FAR2: variants seen among roughly 807,000 people sequenced by gnomAD.
The protein encoded by FAR2 is epididymis secretory protein Li 81.
In FAR2, 19 loss-of-function variants were observed where a neutral mutation model predicts 56.0. The ratio of observed to expected loss-of-function variants is 0.34; its 90% confidence interval spans 0.24 to 0.50. The LOEUF is 0.50. Ranked by LOEUF, FAR2 falls within the 20% of genes least tolerant of loss-of-function variation. The probability of loss-of-function intolerance (pLI) is 0.98; values close to 1 mark genes in which losing one functional copy is unlikely to be tolerated. For synonymous variants in FAR2, 219 were observed against 218.8 expected (o/e 1.00, Z -0.01); for missense variants, 508 against 642.2 (o/e 0.79, Z 2.26).
intron 10 of FAR2, among the ~76,000 whole-genome samples, chr12:29,326,306 C>T (rs1949645437): frequency 6.6e-6 from 1 of 152,176 alleles, no homozygotes; most frequent in Non-Finnish European, 1.5e-5. Context: ...GATTCACAGC[C>T]GAATTCTACC....
chr12:29,256,872 C>T (rs1349451600), intron 1 of FAR2, among the ~76,000 whole-genome samples: 2 of 152,250 alleles, frequency 1.3e-5, no homozygotes, highest in South Asian at 2.1e-4. Flanking sequence ...CCTTAGCTGC[C>T]TTCCTGTGGG....
chr12:29,292,083 G>A (rs1948977874), intron 2 of FAR2: 1 of 152,168 alleles, frequency 6.6e-6, no homozygotes, highest in African/African-American at 2.4e-5. Context: ...GAAAAGTAAT[G>A]CAAATATGGG....
intron 1 of FAR2, among the ~76,000 whole-genome samples, chr12:29,248,709 C>T (rs751186311): frequency 1.8e-4 from 27 of 152,282 alleles, no homozygotes; most frequent in Admixed American, 5.2e-4. Flanking sequence ...CCTGGGAGCA[C>T]TATGGGAGAC....
intron 2 of FAR2, among the ~76,000 whole-genome samples, chr12:29,290,390 G>A (rs1006879639): frequency 1.3e-5 from 2 of 151,892 alleles, no homozygotes; most frequent in Non-Finnish European, 1.5e-5. Context: ...AGGTTGTAGT[G>A]AGCCAAGATT....
intron 2 of FAR2, among the ~76,000 whole-genome samples, chr12:29,272,271 T>C (rs935656579): frequency 1.3e-5 from 2 of 152,234 alleles, no homozygotes; most frequent in African/African-American, 4.8e-5. Flanking sequence ...GGTACTGCAA[T>C]CAATTGTAGG....
chr12:29,149,436 C>G (rs1450186203), intron 1 of FAR2, 29 bp downstream of exon 1: 1 of 152,346 alleles, frequency 6.6e-6, no homozygotes, highest in Non-Finnish European at 1.5e-5. Flanking sequence ...CCCTGGCGCT[C>G]GCAGAGCCCA....
chr12:29,310,987 T>C lies in FAR2; in HGVS notation c.769-41T>C, dbSNP rs773351445. On this transcript the variant is annotated intron_variant, in intron 6 of 11. Transcript: ENST00000536681. The stretch of plus-strand genomic sequence containing the variant: ...ACATACTTTAGCCCCAGCTATTATT[T>C]AAGACCTGGTTTAATATTTTATGTT... 1.2e-5 allele frequency: 18 copies of C among 1,473,760 alleles called. No homozygotes were observed. The African/African-American group carries it at 2.5e-4, about 20-fold the overall frequency. 91.3% of individuals were successfully genotyped at this position (1,473,760 alleles called of 1,614,324 possible).
At chr12:29,321,609 C>A (rs948321440) in intron 9 of FAR2, among the ~76,000 whole-genome samples, 186 bp from the exon 10 acceptor site, 2 of 151,944 alleles carry the variant, frequency 1.3e-5, no homozygotes, top group African/African-American at 4.8e-5. Context: ...TAGATCCAGC[C>A]CTTTTCTTTT....
chr12:29,209,148 A>C (rs1484860893), intron 1 of FAR2, among the ~76,000 whole-genome samples: 3 of 152,158 alleles, frequency 2.0e-5, no homozygotes, highest in African/African-American at 7.2e-5. Flanking sequence ...TCACTGGAAG[A>C]GTCCAAGGGT....
chr12:29,330,032 T>C (rs1160119494), intron 10 of FAR2, among the ~76,000 whole-genome samples: 1 of 151,454 alleles, frequency 6.6e-6, no homozygotes, highest in Non-Finnish European at 1.5e-5. Context: ...TAGAAAAAGT[T>C]ATCTAAAGCA....
intron 2 of FAR2, among the ~76,000 whole-genome samples, chr12:29,288,539 A>T (rs530140802): frequency 5.3e-5 from 8 of 152,130 alleles, no homozygotes; most frequent in East Asian, 3.9e-4. Context: ...CAAAAAGAAA[A>T]TTTTTTTTAG....
At chr12:29,229,729 A>G (rs985339338) in intron 1 of FAR2, among the ~76,000 whole-genome samples, 9 of 152,218 alleles carry the variant, frequency 5.9e-5, no homozygotes, top group Non-Finnish European at 1.3e-4. Flanking sequence ...ATCATAATCA[A>G]TTGTATCATA....
At position 29,187,413 on chromosome 12, in the gene FAR2, G is replaced by A. The variant is rs140575168; in HGVS notation, c.-39+38006G>A. ...TTGAAATAACCCTGAAGTAAGAAGC[G>A]TATATATATATAATTTTTTATTTGG... On this transcript the variant is annotated intron_variant, in intron 1 of 11. Transcript: ENST00000536681. Among the ~76,000 whole-genome samples, 108 of 151,496 alleles carry A rather than the reference G, an allele frequency of 7.1e-4. No homozygotes were observed. The East Asian group carries it at 0.02, about 28-fold the overall frequency.
intron 1 of FAR2, among the ~76,000 whole-genome samples, chr12:29,263,924 T>C (rs1004939706): frequency 2.0e-5 from 3 of 151,888 alleles, no homozygotes; most frequent in African/African-American, 7.3e-5. Context: ...TTCCAAAAAA[T>C]AGAGGAGGAA....
At chr12:29,328,359 G>T (rs1033489188) in intron 10 of FAR2, among the ~76,000 whole-genome samples, 1 of 152,158 alleles carries the variant, frequency 6.6e-6, no homozygotes, top group Non-Finnish European at 1.5e-5. Context: ...ATTCCTCAGG[G>T]ATCTAGAGCT....
intron 1 of FAR2, among the ~76,000 whole-genome samples, chr12:29,239,957 T>C (rs184690930): frequency 6.6e-6 from 1 of 152,322 alleles, no homozygotes; most frequent in Admixed American, 6.5e-5. Flanking sequence ...AGAACCACTA[T>C]CCAGTCATCT....
At chr12:29,177,027 G>A (rs537671565) in intron 1 of FAR2, among the ~76,000 whole-genome samples, 1 of 152,148 alleles carries the variant, frequency 6.6e-6, no homozygotes, top group Admixed American at 6.5e-5. Flanking sequence ...GATCAACACC[G>A]AGTGCTTATG....
At chr12:29,202,747 A>G (rs530832987) in intron 1 of FAR2, among the ~76,000 whole-genome samples, 8 of 152,246 alleles carry the variant, frequency 5.3e-5, no homozygotes, top group Middle Eastern at 3.4e-3. Context: ...CTCTCTCTCC[A>G]TGTGAGACAC....
chr12:29,181,541 A>G (rs1949991758), intron 1 of FAR2, among the ~76,000 whole-genome samples: 1 of 151,428 alleles, frequency 6.6e-6, no homozygotes, highest in African/African-American at 2.4e-5. Flanking sequence ...CTCTCACCAC[A>G]TAACTCACTT....
Sources: gnomAD v4.1 joint callset for allele counts (sites outside exome capture counted in the v4.1 genomes callset) on GRCh38, gnomAD v4.1.1 for gene constraint, MANE v1.5 for transcripts, NCBI Gene and HGNC (gene_info 2026-07-23, HGNC 2026-07-21) for gene names.